The following ADAM9 variants were observed in gnomAD, a reference collection of about 807,000 sequenced individuals.
The protein encoded by ADAM9 is ADAM metallopeptidase domain 9.
ADAM9 carries 54 observed loss-of-function variants against 108.1 expected under a neutral mutation model. The ratio of observed to expected loss-of-function variants is 0.50; its 90% CI spans 0.40 to 0.63. The LOEUF (loss-of-function observed/expected upper bound fraction) is 0.63. Ranked by LOEUF, ADAM9 falls within the 20% of genes least tolerant of loss-of-function variation. ADAM9 has a pLI of 0.00. For synonymous variants in ADAM9, 316 were observed against 336.0 expected, an observed-to-expected ratio of 0.94 and a Z score of 0.65; for missense variants, 830 against 997.7, an observed-to-expected ratio of 0.83 and a Z score of 2.26.
chr8:39,028,541 G>T (rs1350222230), intron 11 of ADAM9, among the ~76,000 whole-genome samples: 2 of 152,308 alleles, frequency 1.3e-5, no homozygotes, highest in African/African-American at 2.4e-5. Context: ...AAATAAAAAA[G>T]AAGCATTCAG....
chr8:39,021,767 C>T, intron 8 of ADAM9, 53 bp downstream of exon 8: 1 of 1,479,662 alleles, frequency 6.8e-7, no homozygotes, highest in East Asian at 2.3e-5. Flanking sequence ...CTTTCAGTCC[C>T]AGAACAGAAC....
chr8:39,018,895 T>C lies in ADAM9; in HGVS notation c.649T>C (p.Phe217Leu). ...VLPQTRYVELFIVVDKERYDM... is the reference protein window; with the variant it reads ...VLPQTRYVELLIVVDKERYDM... ...GCCACAGACCCGGTATGTGGAGCTGTTCATTGTCGTAGACAAGGAAAGGGT... is the reference window on the plus strand; with the variant it reads ...GCCACAGACCCGGTATGTGGAGCTGCTCATTGTCGTAGACAAGGAAAGGGT... Residue 217 changes from phenylalanine (F) to leucine (L), a missense_variant, in exon 7 of 22, where the codon TTC becomes CTC. Phe to Leu is a conservative substitution (Grantham distance 22). Around this residue, in one of 3 missense-constraint regions of ADAM9, gnomAD observed 381 missense variants for 539.8 expected, o/e 0.71. Transcript: ENST00000487273. 6.2e-7 allele frequency: 1 copy of C among 1,614,056 alleles called. No individual in the cohort carries two copies. Among genetic ancestry groups the C allele is most frequent in the Non-Finnish European group, 8.5e-7 (1 of 1,179,960 alleles).
intron 14 of ADAM9, among the ~76,000 whole-genome samples, chr8:39,067,427 T>G (rs1838519383): frequency 6.6e-6 from 1 of 152,252 alleles, no homozygotes; most frequent in Non-Finnish European, 1.5e-5. Flanking sequence ...TTTTATTTCA[T>G]TGAGCAGTGG....
chr8:39,092,457 T>G (rs552995906), intron 20 of ADAM9, among the ~76,000 whole-genome samples: 46 of 152,260 alleles, frequency 3.0e-4, no homozygotes, highest in African/African-American at 1.1e-3. Flanking sequence ...TCCATGTTGT[T>G]ATGTATACAG....
chr8:39,062,079 T>C (rs908246629), intron 14 of ADAM9, among the ~76,000 whole-genome samples: 5 of 152,124 alleles, frequency 3.3e-5, no homozygotes, highest in Non-Finnish European at 5.9e-5. Flanking sequence ...CCCACCTAAC[T>C]CTGATTACCT....
chr8:39,064,087 T>C (rs996535078), intron 14 of ADAM9, among the ~76,000 whole-genome samples: 19 of 152,182 alleles, frequency 1.2e-4, no homozygotes, highest in African/African-American at 4.6e-4. Flanking sequence ...AATCTCATAC[T>C]GTTAGTATGA....
At chr8:39,045,082 GCATACATACA>G (rs1564296997) in intron 12 of ADAM9, among the ~76,000 whole-genome samples, 1 of 13,216 alleles carries the variant, frequency 7.6e-5, no homozygotes, top group Non-Finnish European at 1.4e-4. Context: ...ATGTGTGTGT[GCATACATACA>G]TATGTGTGTG....
intron 1 of ADAM9, among the ~76,000 whole-genome samples, chr8:38,998,377 G>A (rs1247925943): frequency 1.3e-5 from 2 of 149,072 alleles, no homozygotes; most frequent in Non-Finnish European, 3.0e-5. Context: ...TTATACATCC[G>A]GAGTTTTATT....
intron 12 of ADAM9, 55 bp from the exon 13 acceptor site, chr8:39,054,426 T>C: frequency 7.0e-7 from 1 of 1,437,400 alleles, no homozygotes; most frequent in Non-Finnish European, 9.8e-7. Context: ...ATTTTATTAA[T>C]GAGTATTCAT....
intron 2 of ADAM9, among the ~76,000 whole-genome samples, chr8:39,008,900 C>T (rs933986341): frequency 1.3e-5 from 2 of 152,106 alleles, no homozygotes; most frequent in African/African-American, 4.8e-5. Flanking sequence ...ATAAGTCCTT[C>T]AACTTTATAG....
chr8:39,052,477 T>C (rs1008043916), intron 12 of ADAM9, among the ~76,000 whole-genome samples: 2 of 152,118 alleles, frequency 1.3e-5, no homozygotes, highest in African/African-American at 2.4e-5. Context: ...CTTACTAATT[T>C]TTTTCCTGTA....
At chr8:39,059,182 G>A (rs1366890550) in intron 14 of ADAM9, among the ~76,000 whole-genome samples, 1 of 152,216 alleles carries the variant, frequency 6.6e-6, no homozygotes, top group South Asian at 2.1e-4. Context: ...GAGGAATTCT[G>A]TATGTCCACA....
chr8:39,088,465 G>A (rs1839245771), intron 18 of ADAM9, among the ~76,000 whole-genome samples: 1 of 151,928 alleles, frequency 6.6e-6, no homozygotes, highest in African/African-American at 2.4e-5. Context: ...CACCATGTTA[G>A]CCAGGATGGT....
chr8:39,095,736 G>C (rs1201628300), intron 20 of ADAM9, among the ~76,000 whole-genome samples: 1 of 152,132 alleles, frequency 6.6e-6, no homozygotes, highest in African/African-American at 2.4e-5. Flanking sequence ...TTTCCTAGTA[G>C]TATTGGGTTG....
intron 4 of ADAM9, chr8:39,015,884 C>T (rs1836509288): frequency 2.0e-6 from 1 of 505,880 alleles, no homozygotes; most frequent in South Asian, 2.3e-5. Context: ...GCTGTTTGTA[C>T]CTTGTATCCC....
chr8:39,088,345 C>T (rs1839240462), intron 18 of ADAM9, among the ~76,000 whole-genome samples: 1 of 151,766 alleles, frequency 6.6e-6, no homozygotes, highest in South Asian at 2.1e-4. Flanking sequence ...GGCTCCGCCT[C>T]CCGGGTTCAT....
At chr8:39,043,853 C>T (rs1204098998) in intron 12 of ADAM9, among the ~76,000 whole-genome samples, 1 of 152,112 alleles carries the variant, frequency 6.6e-6, no homozygotes, top group African/African-American at 2.4e-5. Flanking sequence ...TGCTTAGCTC[C>T]CACTTATAAG....
chr8:39,013,713 G>A (rs1377480226), intron 3 of ADAM9, among the ~76,000 whole-genome samples: 2 of 151,928 alleles, frequency 1.3e-5, no homozygotes, highest in Non-Finnish European at 2.9e-5. Flanking sequence ...TGTTGCTTAG[G>A]CTGGTCTCAA....
chr8:39,026,918 C>T (rs958138209), intron 11 of ADAM9, 108 bp downstream of exon 11: 223 of 1,451,014 alleles, frequency 1.5e-4, no homozygotes, highest in East Asian at 2.1e-4. Context: ...ATGTTATTTC[C>T]GGTTTGCTGA....
Sources: gnomAD v4.1 joint callset for allele counts (sites outside exome capture counted in the v4.1 genomes callset) on GRCh38, gnomAD v4.1.1 for gene constraint, gnomAD v4.1.1 regional missense constraint, MANE v1.5 for transcripts, NCBI Gene and HGNC (gene_info 2026-07-23, HGNC 2026-07-21) for gene names.